The following PPP1R12A variants were observed in gnomAD, a reference collection of about 807,000 sequenced individuals.
PPP1R12A encodes protein phosphatase 1 regulatory subunit 12A, also known as myosin binding subunit.
PPP1R12A carries 19 observed loss-of-function variants against 139.6 expected under a neutral mutation model. The ratio of observed to expected loss-of-function variants is 0.14; its 90% CI spans 0.09 to 0.20. The LOEUF (loss-of-function observed/expected upper bound fraction) is 0.20. PPP1R12A is among the 10% of genes least tolerant of loss of function. The pLI is 1.00. For synonymous variants in PPP1R12A, 427 were observed against 420.6 expected (o/e 1.02, Z -0.19); for missense variants, 925 against 1,211.5 (o/e 0.76, Z 3.51).
upstream of PPP1R12A, chr12:79,935,283 A>T: frequency 9.4e-7 from 1 of 1,067,334 alleles, no homozygotes; most frequent in African/African-American, 1.7e-5. Flanking sequence ...GCTCCCGCGA[A>T]CTGCGGCGGT....
At chr12:79,830,678 G>C (rs1160948448) in intron 4 of PPP1R12A, among the ~76,000 whole-genome samples, 1 of 152,108 alleles carries the variant, frequency 6.6e-6, no homozygotes, top group East Asian at 1.9e-4. Flanking sequence ...AGCTTTATTT[G>C]CACTTAATTA....
intron 1 of PPP1R12A, among the ~76,000 whole-genome samples, chr12:79,904,108 G>A (rs956575398): frequency 5.3e-5 from 8 of 151,974 alleles, no homozygotes; most frequent in African/African-American, 1.5e-4. Flanking sequence ...CCAGCTACTC[G>A]GGAGGCTGAA....
intron 4 of PPP1R12A, 94 bp from the exon 5 acceptor site, chr12:79,828,558 T>C (rs540510150): frequency 5.6e-5 from 53 of 944,778 alleles, no homozygotes; most frequent in Non-Finnish European, 7.3e-5. Flanking sequence ...ACTACAATTT[T>C]CAATTAATTT....
intron 2 of PPP1R12A, among the ~76,000 whole-genome samples, chr12:79,867,417 T>C (rs1006341909): frequency 3.9e-5 from 6 of 152,056 alleles, no homozygotes; most frequent in African/African-American, 9.7e-5. Context: ...TGTATTCCTA[T>C]GTAACAAAAC....
At chr12:79,823,685 C>T (rs1240532401) in intron 5 of PPP1R12A, 2 of 151,506 alleles carry the variant, frequency 1.3e-5, no homozygotes, top group Non-Finnish European at 2.9e-5. Flanking sequence ...CCTCAACCTC[C>T]TGGGACTCAG....
intron 14 of PPP1R12A, among the ~76,000 whole-genome samples, chr12:79,801,236 TCAGGAGGCTGAGG>T (rs201743430): frequency 0.19 from 28,380 of 149,072 alleles, 4,639 homozygotes; most frequent in African/African-American, 0.44. Context: ...TCCTAGCTAC[TCAGGAGGCTGAGG>T]CAGGAGAACT....
rs568900757 is a variant in PPP1R12A, at chr12:79,853,171, G to C, written c.369-7751C>G. 2.6e-5 allele frequency among the ~76,000 whole-genome samples: 4 copies of C among 152,300 alleles called. No homozygotes were observed. The South Asian group carries it at 6.2e-4, about 24-fold the overall frequency. ...TGTGACCAATGTTTTTTTCTGTGGT[G>C]TTTGGTTGAAGTAGAATGGTTATTC... is the stretch of plus-strand genomic sequence containing the variant. On this transcript the variant is annotated intron_variant, in intron 2 of 24. Transcript: ENST00000450142.
chr12:79,845,387 A>G lies in PPP1R12A; in HGVS notation c.402T>C (p.Ala134=), dbSNP rs1476027145. 3 of 1,613,496 alleles carry G rather than the reference A, an allele frequency of 1.9e-6. No homozygotes were observed. The highest frequency in any genetic ancestry group is 2.5e-6 in the Non-Finnish European group (3 of 1,179,692). The change falls in exon 3 of 25, where the codon GCT becomes GCC. Residue 134 remains alanine (A), a synonymous_variant. Transcript: ENST00000450142. Reference sequence around the variant, plus strand: ...AAGGTGTATCTCCTTCACTGTTGACAGCCCCTACATGTGCTCCTTGACCAA... The same window carrying G: ...AAGGTGTATCTCCTTCACTGTTGACGGCCCCTACATGTGCTCCTTGACCAA... ...FLIGQGAHVG[A]VNSEGDTPLD...
intron 19 of PPP1R12A, among the ~76,000 whole-genome samples, chr12:79,792,493 T>C (rs962548438): frequency 6.6e-6 from 1 of 152,226 alleles, no homozygotes; most frequent in East Asian, 1.9e-4. Context: ...TTTATTTATA[T>C]GTTATTCATT....
chr12:79,805,957 CAGTCTAATTCA>C (rs1873778247), intron 13 of PPP1R12A, 189 bp from the exon 14 acceptor site: 1 of 909,556 alleles, frequency 1.1e-6, no homozygotes, highest in Admixed American at 3.0e-5. Context: ...ACATTTTAAG[CAGTCTAATTCA>C]AGGAAAGTTC....
At chr12:79,926,948 G>C (rs1410139798) in intron 1 of PPP1R12A, among the ~76,000 whole-genome samples, 3 of 152,120 alleles carry the variant, frequency 2.0e-5, no homozygotes, top group African/African-American at 7.2e-5. Context: ...TGTAATCCCA[G>C]CACTTTGGGA....
At chr12:79,851,356 C>T (rs1367391222) in intron 2 of PPP1R12A, among the ~76,000 whole-genome samples, 2 of 152,068 alleles carry the variant, frequency 1.3e-5, no homozygotes, top group East Asian at 1.9e-4. Flanking sequence ...AGTTCTGTAT[C>T]CCAATGAAAG....
intron 1 of PPP1R12A, among the ~76,000 whole-genome samples, chr12:79,884,530 C>A (rs1883930587): frequency 6.6e-6 from 1 of 152,108 alleles, no homozygotes; most frequent in Non-Finnish European, 1.5e-5. Context: ...ATACAAGAAA[C>A]TGGCAAAGCA....
chr12:79,804,024 T>C (rs935687945), intron 14 of PPP1R12A, among the ~76,000 whole-genome samples: 3 of 152,184 alleles, frequency 2.0e-5, no homozygotes, highest in South Asian at 4.1e-4. Flanking sequence ...ATGCTAGAGA[T>C]AGAAAAGATT....
intron 1 of PPP1R12A, chr12:79,878,287 G>T (rs1231189276): frequency 1.3e-5 from 2 of 150,978 alleles, no homozygotes; most frequent in Non-Finnish European, 2.9e-5. Flanking sequence ...TCTATGTCTT[G>T]CCTCCTGAAG....
intron 1 of PPP1R12A, among the ~76,000 whole-genome samples, chr12:79,922,604 T>G (rs1270318417): frequency 6.6e-6 from 1 of 151,980 alleles, no homozygotes; most frequent in African/African-American, 2.4e-5. Context: ...ACCAAACACC[T>G]CAGGTTCTCA....
At chr12:79,912,291 T>C (rs1231200836) in intron 1 of PPP1R12A, among the ~76,000 whole-genome samples, 2 of 152,220 alleles carry the variant, frequency 1.3e-5, no homozygotes, top group African/African-American at 4.8e-5. Context: ...TAATACAACT[T>C]GCATTGATAC....
Position 79,795,654 on chromosome 12 carries a change from G to A in PPP1R12A, c.2567C>T (p.Ser856Leu). ...PREKRRSTGV[S>L]FWTQDSDENE... ...GGTTCTCACATCTTGTGTCCAAAAT[G>A]AAACTCCTGTAGATCTTCTTTTCTC... is the stretch of plus-strand genomic sequence containing the variant. Residue 856 changes from serine to leucine, a missense_variant, in exon 18 of 25, where the codon TCA becomes TTA. Ser to Leu is a moderately radical substitution (Grantham distance 145). This residue lies in a region of PPP1R12A where 315 missense variants were observed against 363.4 expected (regional missense o/e 0.87). Transcript: ENST00000450142. The A allele has an allele frequency of 6.2e-7, 1 of 1,611,076 alleles. No individual in the cohort carries two copies. The highest frequency in any genetic ancestry group is 8.5e-7 in the Non-Finnish European group (1 of 1,179,062).
intron 1 of PPP1R12A, among the ~76,000 whole-genome samples, chr12:79,888,271 G>A (rs1399657885): frequency 6.6e-6 from 1 of 152,108 alleles, no homozygotes; most frequent in Admixed American, 6.6e-5. Context: ...TGGGGGAGAG[G>A]AGAAATCAAA....
Sources: allele counts gnomAD v4.1 joint callset (sites outside exome capture counted in the v4.1 genomes callset), GRCh38; gene constraint gnomAD v4.1.1; regional missense constraint gnomAD v4.1.1; transcripts MANE v1.5; gene names NCBI Gene and HGNC (gene_info 2026-07-23, HGNC 2026-07-21).